The following ZBTB7C variants were observed in gnomAD, a reference collection of about 807,000 sequenced individuals.
ZBTB7C encodes the protein zinc finger and BTB domain containing 7C.
In ZBTB7C, 8 loss-of-function variants were observed where a neutral mutation model predicts 25.7. The observed-to-expected ratio is 0.31, with a 90% confidence interval of 0.18 to 0.56. ZBTB7C has a LOEUF of 0.56. Ranked by LOEUF, ZBTB7C falls within the 20% of genes least tolerant of loss-of-function variation. The pLI is 0.91. For synonymous variants in ZBTB7C, 394 were observed against 369.0 expected, an observed-to-expected ratio of 1.07 and a Z score of -0.78; for missense variants, 824 against 855.2, an observed-to-expected ratio of 0.96 and a Z score of 0.46.
intron 3 of ZBTB7C, among the ~76,000 whole-genome samples, chr18:48,042,775 G>A (rs1036292760): frequency 6.6e-6 from 1 of 152,190 alleles, no homozygotes; most frequent in African/African-American, 2.4e-5. Flanking sequence ...CAGAGACCCT[G>A]GCAGTCCATG....
rs569872913 is a variant in ZBTB7C at position 48,309,124 on chromosome 18, AAAT to A, written c.-79+29047_-79+29049del. Among the ~76,000 whole-genome samples the A allele has an allele frequency of 3.9e-5, 6 of 152,318 alleles. No homozygotes were observed. The South Asian group carries it at 1.0e-3, about 26-fold the overall frequency. On this transcript the variant is annotated intron_variant, in intron 2 of 4. Coordinates refer to ENST00000590800, the MANE Select transcript of ZBTB7C (RefSeq NM_001318841.2). Reference sequence around the variant, plus strand: ...TGAGGGAAAGAAAAAGAGGTTGTAAAAATAAAAATCACTGGAGCCCCGCACTGC... The same window carrying A: ...TGAGGGAAAGAAAAAGAGGTTGTAAAAAAAATCACTGGAGCCCCGCACTGC...
intron 3 of ZBTB7C, among the ~76,000 whole-genome samples, chr18:48,136,436 T>C (rs2040164149): frequency 6.6e-6 from 1 of 152,162 alleles, no homozygotes; most frequent in South Asian, 2.1e-4. Context: ...TAGCTGGACT[T>C]CTGCCAATCG....
intron 3 of ZBTB7C, among the ~76,000 whole-genome samples, chr18:48,155,860 A>G (rs1233551222): frequency 6.6e-6 from 1 of 152,152 alleles, no homozygotes; most frequent in Non-Finnish European, 1.5e-5. Context: ...ATCTTACTTT[A>G]TCTCAAACTG....
chr18:48,116,619 G>A (rs1266877133), intron 3 of ZBTB7C, among the ~76,000 whole-genome samples: 1 of 151,944 alleles, frequency 6.6e-6, no homozygotes, highest in Non-Finnish European at 1.5e-5. Flanking sequence ...CCCTCCCTCT[G>A]CACCCACGGC....
chr18:48,383,013 C>T (rs2047667343), intron 1 of ZBTB7C, among the ~76,000 whole-genome samples: 1 of 152,098 alleles, frequency 6.6e-6, no homozygotes, highest in South Asian at 2.1e-4. Flanking sequence ...CTTAATTTTG[C>T]CAGGCCACAT....
At chr18:48,032,085 AC>A (rs1258552530) in intron 4 of ZBTB7C, among the ~76,000 whole-genome samples, 2 of 151,920 alleles carry the variant, frequency 1.3e-5, no homozygotes, top group African/African-American at 2.4e-5. Context: ...ATTACTCCTC[AC>A]CACAACCTAT....
intron 2 of ZBTB7C, among the ~76,000 whole-genome samples, chr18:48,210,578 A>G (rs1164525536): frequency 6.6e-6 from 1 of 152,242 alleles, no homozygotes; most frequent in African/African-American, 2.4e-5. Context: ...CACATATTAT[A>G]TAATTCCATT....
At position 48,040,627 on chromosome 18, in the gene ZBTB7C, C is replaced by G. The variant is rs769797708; in HGVS notation, c.481G>C (p.Glu161Gln). Reference sequence around the variant, plus strand: ...TCCGTGTCATCATCGTCATCCTCCTCCTCTTCCTCCTCCTCCTCTTCGTCC... The same window carrying G: ...TCCGTGTCATCATCGTCATCCTCCTGCTCTTCCTCCTCCTCCTCTTCGTCC... The part of the protein sequence containing the change: ...EEDEEEEEEE[E>Q]EDDDDDTEDF... Residue 161 changes from glutamate (E) to glutamine (Q), a missense_variant, in exon 4 of 5, where the codon GAG becomes CAG. By Grantham distance (29) the Glu-to-Gln change is conservative. Coordinates refer to ENST00000590800, the MANE Select transcript of ZBTB7C (RefSeq NM_001318841.2). 3 of 1,611,194 alleles carry G rather than the reference C, an allele frequency of 1.9e-6. No individual in the cohort carries two copies. Among genetic ancestry groups the G allele is most frequent in the East Asian group, 4.7e-5 (2 of 42,804 alleles).
intron 2 of ZBTB7C, among the ~76,000 whole-genome samples, chr18:48,219,874 G>A (rs752670546): frequency 2.0e-5 from 3 of 152,122 alleles, no homozygotes; most frequent in Non-Finnish European, 2.9e-5. Context: ...GAGGCTGAGA[G>A]ACAGGTTGGG....
chr18:48,081,199 CCAGA>C (rs1410944531), intron 3 of ZBTB7C, among the ~76,000 whole-genome samples: 8 of 152,342 alleles, frequency 5.3e-5, no homozygotes, highest in African/African-American at 1.4e-4. Flanking sequence ...CTCTCAGTCT[CCAGA>C]CAGTCAACAG....
At chr18:48,350,948 CTTAAG>C (rs1442637023) in intron 1 of ZBTB7C, among the ~76,000 whole-genome samples, 2 of 151,564 alleles carry the variant, frequency 1.3e-5, no homozygotes, top group African/African-American at 2.4e-5. Flanking sequence ...CTGATGGACT[CTTAAG>C]TTGTTTATAA....
chr18:48,212,756 G>A (rs2042731642), intron 2 of ZBTB7C, among the ~76,000 whole-genome samples: 1 of 152,144 alleles, frequency 6.6e-6, no homozygotes, highest in African/African-American at 2.4e-5. Context: ...GGAAAGGCAG[G>A]AGGTCTAAGC....
At chr18:48,205,778 A>G (rs998507786) in intron 2 of ZBTB7C, among the ~76,000 whole-genome samples, 1 of 152,038 alleles carries the variant, frequency 6.6e-6, no homozygotes, top group Non-Finnish European at 1.5e-5. Flanking sequence ...ACAATTACTT[A>G]GCAAGGCAGG....
intron 1 of ZBTB7C, among the ~76,000 whole-genome samples, chr18:48,405,184 T>C (rs73437435): frequency 6.7e-6 from 1 of 149,122 alleles, no homozygotes; most frequent in African/African-American, 2.4e-5. Context: ...ACTGATGGCA[T>C]GGCAGGTACT....
chr18:48,201,174 T>C (rs932028116), intron 2 of ZBTB7C, among the ~76,000 whole-genome samples: 4 of 152,190 alleles, frequency 2.6e-5, no homozygotes, highest in African/African-American at 7.2e-5. Context: ...CCCCTCTCCA[T>C]GACACATACA....
Position 48,259,607 on chromosome 18 carries a change from T to C in ZBTB7C, c.-78-73612A>G, listed in dbSNP as rs569171792. Among the ~76,000 whole-genome samples the C allele has an allele frequency of 1.1e-4, 17 of 152,276 alleles. No homozygotes were observed. The East Asian group carries it at 3.3e-3, about 29-fold the overall frequency. On this transcript the variant is annotated intron_variant, in intron 2 of 4. Coordinates refer to ENST00000590800, the MANE Select transcript of ZBTB7C (RefSeq NM_001318841.2). ...CCATGAAGAGAATGAAAAGATAAAC[T>C]GCAGAAGGTGAGAAATATGCAACCC...
rs80033315 is a variant in ZBTB7C at position 48,273,003 on chromosome 18, C to T, written c.-79+65171G>A. Among the ~76,000 whole-genome samples, 8 of 152,088 alleles carry T rather than the reference C, an allele frequency of 5.3e-5. No homozygotes were observed. The South Asian group carries it at 1.0e-3, about 20-fold the overall frequency. On this transcript the variant is annotated intron_variant, in intron 2 of 4. Transcript: ENST00000590800. ...TGGTTTCCAGAGGCTGGGAAAAGCA[C>T]GGAATGGGAACTGACTGTTAATGGG...
chr18:48,120,006 C>A (rs1465957977), intron 3 of ZBTB7C, among the ~76,000 whole-genome samples: 1 of 152,142 alleles, frequency 6.6e-6, no homozygotes, highest in South Asian at 2.1e-4. Context: ...CATGTGCACA[C>A]AACCCCAGGG....
chr18:48,275,696 G>A (rs535936568), intron 2 of ZBTB7C, among the ~76,000 whole-genome samples: 15 of 152,328 alleles, frequency 9.8e-5, no homozygotes, highest in Non-Finnish European at 1.3e-4. Flanking sequence ...TAAGGGACCT[G>A]AAACAACTGC....
Sources: gnomAD v4.1 joint callset for allele counts (sites outside exome capture counted in the v4.1 genomes callset) on GRCh38, gnomAD v4.1.1 for gene constraint, MANE v1.5 for transcripts, NCBI Gene and HGNC (gene_info 2026-07-23, HGNC 2026-07-21) for gene names.